The following MRPS6 variants were observed in gnomAD, a reference collection of about 807,000 sequenced individuals.
MRPS6 encodes small ribosomal subunit protein bS6m.
In MRPS6, 6 loss-of-function variants were observed where a neutral mutation model predicts 13.1. The ratio of observed to expected loss-of-function variants is 0.46; its 90% CI spans 0.25 to 0.91. The LOEUF (loss-of-function observed/expected upper bound fraction) is 0.91, where lower values mean the gene tolerates loss of function less well. MRPS6 is among the 40% of genes least tolerant of loss of function. MRPS6 has a pLI of 0.18. For missense variants in MRPS6, 164 were observed against 155.6 expected (o/e 1.05, Z -0.29); for synonymous variants, 61 against 56.5 (o/e 1.08, Z -0.36).
At chr21:34,110,496 A>AG (rs1979654480) in intron 1 of MRPS6, among the ~76,000 whole-genome samples, 1 of 152,116 alleles carries the variant, frequency 6.6e-6, no homozygotes, top group Admixed American at 6.5e-5. Context: ...AAAAAGAAAA[A>AG]AAAAAGGCTG....
intron 1 of MRPS6, chr21:34,122,136 A>C (rs1980141886): frequency 6.6e-6 from 1 of 152,238 alleles, no homozygotes; most frequent in Non-Finnish European, 1.5e-5. Flanking sequence ...TTGGCCAGAT[A>C]GTAAATAGTT....
chr21:34,117,442 C>G (rs1034500600), intron 1 of MRPS6, among the ~76,000 whole-genome samples: 1 of 152,126 alleles, frequency 6.6e-6, no homozygotes, highest in Non-Finnish European at 1.5e-5. Flanking sequence ...CTTGTGGCAT[C>G]ATTGCTTTTC....
chr21:34,125,603 T>C, intron 2 of MRPS6, 123 bp downstream of exon 2: 2 of 1,405,896 alleles, frequency 1.4e-6, no homozygotes, highest in Non-Finnish European at 1.9e-6. Flanking sequence ...AGGTGTCCTT[T>C]GGGTACACAC....
chr21:34,091,636 T>G (rs1978699520), intron 1 of MRPS6, among the ~76,000 whole-genome samples: 1 of 152,232 alleles, frequency 6.6e-6, no homozygotes, highest in Non-Finnish European at 1.5e-5. Flanking sequence ...CAGTTGCAAT[T>G]TAATTTATCC....
intron 1 of MRPS6, among the ~76,000 whole-genome samples, chr21:34,114,645 C>G (rs1485744774): frequency 6.6e-6 from 1 of 152,126 alleles, no homozygotes; most frequent in Admixed American, 6.6e-5. Flanking sequence ...CTTTGACTTA[C>G]CCAAATCATG....
Position 34,096,823 on chromosome 21 carries a change from G to A in MRPS6, c.45+23078G>A, listed in dbSNP as rs1212303673. On this transcript the variant is annotated intron_variant, in intron 1 of 2. Transcript: ENST00000399312. The surrounding 1 kb of genome is among the most constrained non-coding windows in gnomAD (Gnocchi z 5.9). ...CCACCTCCCACAAAGGAACAGATTCGAACCACCACCTTTTGGTCTAAGAAG... is the reference window on the plus strand; with the variant it reads ...CCACCTCCCACAAAGGAACAGATTCAAACCACCACCTTTTGGTCTAAGAAG... 1.2e-6 allele frequency: 2 copies of A among 1,613,978 alleles called. No homozygotes were observed. The highest frequency in any genetic ancestry group is 1.1e-5 in the South Asian group (1 of 91,060).
intron 1 of MRPS6, among the ~76,000 whole-genome samples, chr21:34,108,046 C>T (rs1434664907): frequency 1.3e-5 from 2 of 152,068 alleles, no homozygotes; most frequent in African/African-American, 4.8e-5. Context: ...GATGGTGGTC[C>T]TATAAAATAA....
intron 1 of MRPS6, chr21:34,099,929 CA>C: frequency 2.8e-6 from 1 of 363,186 alleles, no homozygotes; most frequent in Non-Finnish European, 4.0e-6. Flanking sequence ...CAACTTAATT[CA>C]GGGACCAGTC....
chr21:34,120,997 A>T (rs565982800), intron 1 of MRPS6, among the ~76,000 whole-genome samples: 2 of 151,610 alleles, frequency 1.3e-5, no homozygotes, highest in African/African-American at 4.9e-5. Flanking sequence ...AGGAGGTACA[A>T]TTAGCACAGC....
intron 1 of MRPS6, among the ~76,000 whole-genome samples, chr21:34,076,200 C>G (rs1602898324): frequency 6.6e-6 from 1 of 152,212 alleles, no homozygotes; most frequent in Non-Finnish European, 1.5e-5. Context: ...AGCTGCTCTC[C>G]TGTTTTTTCT....
intron 2 of MRPS6, among the ~76,000 whole-genome samples, chr21:34,131,268 T>TA: frequency 6.6e-6 from 1 of 152,350 alleles, no homozygotes; most frequent in East Asian, 1.9e-4. Context: ...CCACGTGCGT[T>TA]AGGACTTCTG....
At chr21:34,121,638 T>G (rs780646366) in intron 1 of MRPS6, among the ~76,000 whole-genome samples, 15 of 152,186 alleles carry the variant, frequency 9.9e-5, no homozygotes, top group Admixed American at 2.6e-4. Flanking sequence ...CTCAGAAGCC[T>G]GCACAACTTC....
intron 2 of MRPS6, among the ~76,000 whole-genome samples, chr21:34,134,310 G>A (rs1306103110): frequency 6.6e-6 from 1 of 152,180 alleles, no homozygotes; most frequent in Non-Finnish European, 1.5e-5. Context: ...GTGAGCAAAT[G>A]TGCAAGTCAC....
intron 1 of MRPS6, among the ~76,000 whole-genome samples, chr21:34,106,834 C>G (rs576624315): frequency 3.3e-5 from 5 of 152,292 alleles, no homozygotes; most frequent in African/African-American, 1.2e-4. Context: ...CTTTTCCTCC[C>G]CTTTCAGAAG....
intron 2 of MRPS6, among the ~76,000 whole-genome samples, chr21:34,132,924 T>G (rs755655171): frequency 6.6e-6 from 1 of 152,194 alleles, no homozygotes; most frequent in Non-Finnish European, 1.5e-5. Flanking sequence ...TGACTTAACC[T>G]TTTTGAGTCT....
At chr21:34,117,961 A>G (rs902971648) in intron 1 of MRPS6, among the ~76,000 whole-genome samples, 3 of 152,180 alleles carry the variant, frequency 2.0e-5, no homozygotes, top group Non-Finnish European at 4.4e-5. Flanking sequence ...AACTTAAGCA[A>G]TTCTTAAGAT....
At chr21:34,118,692 T>A (rs1045911711) in intron 1 of MRPS6, among the ~76,000 whole-genome samples, 9 of 152,172 alleles carry the variant, frequency 5.9e-5, no homozygotes, top group East Asian at 3.9e-4. Context: ...TTTTTATATT[T>A]TCAGTAGAGA....
chr21:34,096,243 A>G lies in MRPS6; in HGVS notation c.45+22498A>G, dbSNP rs749664255. ...TGGAAGCAGAGCTGGTTGCTCCAAT[A>G]TTGCTTACCCACGCCTGGTGATGAA... On this transcript the variant is annotated intron_variant, in intron 1 of 2. Transcript: ENST00000399312. This position sits in a 1 kb window ranked among gnomAD's most constrained non-coding sequence, Gnocchi z 5.9. 5 of 1,613,974 alleles carry G rather than the reference A, an allele frequency of 3.1e-6. No individual in the cohort carries two copies. The highest frequency in any genetic ancestry group is 4.2e-6 in the Non-Finnish European group (5 of 1,179,996).
At chr21:34,073,863 AG>A in intron 1 of MRPS6, 118 bp downstream of exon 1, 1 of 502,332 alleles carries the variant, frequency 2.0e-6, no homozygotes, top group Non-Finnish European at 2.7e-6. Flanking sequence ...TCCTCGGAGG[AG>A]GCCGGGGCGG....
Sources: allele counts gnomAD v4.1 joint callset (sites outside exome capture counted in the v4.1 genomes callset), GRCh38; gene constraint gnomAD v4.1.1; non-coding constraint Gnocchi (gnomAD v3.1); transcripts MANE v1.5; gene names NCBI Gene and HGNC (gene_info 2026-07-23, HGNC 2026-07-21).